The following PACRG variants were observed in gnomAD, a reference collection of about 807,000 sequenced individuals.
PACRG encodes parkin coregulated.
A neutral mutation model predicts 29.7 loss-of-function variants in PACRG; 29 were observed. The ratio of observed to expected loss-of-function variants is 0.98; its 90% CI spans 0.73 to 1.33. PACRG has a LOEUF of 1.33. PACRG is among the 40% of genes most tolerant of loss of function. The pLI is 0.00. For synonymous variants in PACRG, 116 were observed against 118.7 expected, an observed-to-expected ratio of 0.98 and a Z score of 0.15; for missense variants, 279 against 316.2, an observed-to-expected ratio of 0.88 and a Z score of 0.89.
chr6:162,988,292 T>C (rs375442118), intron 2 of PACRG, among the ~76,000 whole-genome samples: 2 of 152,046 alleles, frequency 1.3e-5, no homozygotes, highest in African/African-American at 2.4e-5. Context: ...CAGAGTGGGA[T>C]TGGAGCAGAG....
At chr6:162,800,290 A>G (rs1056268526) in intron 1 of PACRG, among the ~76,000 whole-genome samples, 3 of 152,210 alleles carry the variant, frequency 2.0e-5, no homozygotes, top group African/African-American at 4.8e-5. Flanking sequence ...AAGAAAGGCT[A>G]TTAACCTTTT....
chr6:163,108,016 C>G (rs1815480241), intron 4 of PACRG, among the ~76,000 whole-genome samples: 1 of 152,188 alleles, frequency 6.6e-6, no homozygotes, highest in South Asian at 2.1e-4. Flanking sequence ...CCTCTGCTAT[C>G]TAAGTTTTAG....
At chr6:163,213,527 G>T (rs1781237930) in intron 4 of PACRG, among the ~76,000 whole-genome samples, 1 of 152,152 alleles carries the variant, frequency 6.6e-6, no homozygotes, top group Non-Finnish European at 1.5e-5. Context: ...GAATGTCCTT[G>T]TTTGTAGGGA....
chr6:162,910,437 C>T (rs955176415), intron 2 of PACRG, among the ~76,000 whole-genome samples: 3 of 152,012 alleles, frequency 2.0e-5, no homozygotes, highest in African/African-American at 7.2e-5. Context: ...TAACATGAAC[C>T]ATGTAGCTTT....
chr6:163,106,816 C>T (rs184243731), intron 4 of PACRG, among the ~76,000 whole-genome samples: 34 of 152,268 alleles, frequency 2.2e-4, no homozygotes, highest in Admixed American at 1.7e-3. Flanking sequence ...CATTTGTGCA[C>T]GGAAGTCCTC....
intron 4 of PACRG, among the ~76,000 whole-genome samples, chr6:163,245,554 T>C (rs956068081): frequency 6.6e-6 from 1 of 152,190 alleles, no homozygotes; most frequent in African/African-American, 2.4e-5. Flanking sequence ...ACGGGGTTCA[T>C]AGAGATGGAG....
chr6:162,980,585 A>G (rs926535269), intron 2 of PACRG, among the ~76,000 whole-genome samples: 13 of 152,106 alleles, frequency 8.5e-5, no homozygotes, highest in Non-Finnish European at 1.8e-4. Flanking sequence ...AATATTCTCC[A>G]TTTAAGAAAC....
intron 4 of PACRG, among the ~76,000 whole-genome samples, chr6:163,123,871 A>G (rs1288171704): frequency 6.6e-6 from 1 of 152,206 alleles, no homozygotes; most frequent in Non-Finnish European, 1.5e-5. Flanking sequence ...ATATGCATAT[A>G]CCACATTTCA....
intron 1 of PACRG, among the ~76,000 whole-genome samples, chr6:162,767,324 C>A (rs961048142): frequency 1.3e-5 from 2 of 151,764 alleles, no homozygotes; most frequent in Non-Finnish European, 2.9e-5. Context: ...ATTTTTATTT[C>A]TATATTTACA....
Position 162,989,277 on chromosome 6 carries a change from G to T in PACRG, c.292-72873G>T, listed in dbSNP as rs533568067. Among the ~76,000 whole-genome samples the T allele has an allele frequency of 9.8e-5, 15 of 152,290 alleles. 1 individual carries two copies. In the South Asian group the frequency reaches 3.1e-3, roughly 32 times the overall value. ...AGGAGGAGAAACAGGGTCAGAAGAG[G>T]AAACTTCCTAAGTTTGATATTGAAT... On this transcript the variant is annotated intron_variant, in intron 2 of 4. Transcript: ENST00000366888.
At chr6:163,029,445 C>A (rs1807452027) in intron 2 of PACRG, among the ~76,000 whole-genome samples, 2 of 152,284 alleles carry the variant, frequency 1.3e-5, no homozygotes, top group South Asian at 4.1e-4. Context: ...TCTAGGTTAC[C>A]ATCTGTGGCA....
intron 2 of PACRG, among the ~76,000 whole-genome samples, chr6:163,049,012 A>G (rs1316901770): frequency 6.6e-6 from 1 of 152,142 alleles, no homozygotes; most frequent in African/African-American, 2.4e-5. Flanking sequence ...TCAAACTTAC[A>G]TGTAAAATTT....
intron 2 of PACRG, among the ~76,000 whole-genome samples, chr6:162,876,588 C>T (rs1006389837): frequency 6.6e-6 from 1 of 152,092 alleles, no homozygotes; most frequent in Non-Finnish European, 1.5e-5. Context: ...TGTTTAAGTA[C>T]CTTGTAGATT....
chr6:163,140,051 G>GGGATGA (rs1817091000), intron 4 of PACRG, among the ~76,000 whole-genome samples: 5 of 152,252 alleles, frequency 3.3e-5, no homozygotes, highest in Admixed American at 3.3e-4. Context: ...GCCCAGGCTG[G>GGGATGA]TCTCTCCCCT....
chr6:163,070,750 C>A (rs1307258822), intron 3 of PACRG, among the ~76,000 whole-genome samples: 8 of 150,942 alleles, frequency 5.3e-5, no homozygotes, highest in Admixed American at 2.0e-4. Context: ...AATCAAAAGG[C>A]ACAGAGTAGC....
intron 4 of PACRG, among the ~76,000 whole-genome samples, chr6:163,223,933 A>T (rs1781684953): frequency 6.6e-6 from 1 of 152,236 alleles, no homozygotes; most frequent in Non-Finnish European, 1.5e-5. Flanking sequence ...AGATTCTTGC[A>T]CAGAAATAAC....
chr6:162,961,107 A>G (rs1280481377), intron 2 of PACRG, among the ~76,000 whole-genome samples: 1 of 152,204 alleles, frequency 6.6e-6, no homozygotes, highest in East Asian at 1.9e-4. Context: ...TATTCATGAC[A>G]CAGCACATAG....
intron 4 of PACRG, among the ~76,000 whole-genome samples, chr6:163,112,896 G>A (rs1815788524): frequency 6.6e-6 from 1 of 152,138 alleles, no homozygotes. Context: ...TAAATCAATG[G>A]AAACTGTCCC....
chr6:163,009,477 A>G (rs566492402), intron 2 of PACRG, among the ~76,000 whole-genome samples: 1 of 152,370 alleles, frequency 6.6e-6, no homozygotes, highest in Non-Finnish European at 1.5e-5. Flanking sequence ...GGTTCATTAC[A>G]CTTAATGATT....
Sources: allele counts gnomAD v4.1 joint callset (sites outside exome capture counted in the v4.1 genomes callset), GRCh38; gene constraint gnomAD v4.1.1; transcripts MANE v1.5; gene names NCBI Gene and HGNC (gene_info 2026-07-23, HGNC 2026-07-21).